The following ZNF385A variants were observed in gnomAD, a reference collection of about 807,000 sequenced individuals.
ZNF385A encodes the protein zinc finger protein 385A.
A neutral mutation model predicts 32.1 loss-of-function variants in ZNF385A; 14 were observed. That is an observed-to-expected ratio of 0.44 (90% confidence interval 0.29 to 0.68). ZNF385A has a LOEUF of 0.68. Among genes scored for constraint, ZNF385A ranks in the 30% least tolerant of loss-of-function variants. The probability of loss-of-function intolerance (pLI) is 0.14; values close to 1 mark genes in which losing one functional copy is unlikely to be tolerated. For missense variants in ZNF385A, 406 were observed against 478.4 expected (o/e 0.85, Z 1.41); for synonymous variants, 197 against 202.7 (o/e 0.97, Z 0.24).
In ZNF385A at chr12:54,371,008, T is replaced by A. The variant is rs568150809; in HGVS notation, c.693A>T (p.Glu231Asp). The A allele has an allele frequency of 1.2e-5, 20 of 1,614,164 alleles. No homozygotes were observed. The African/African-American group carries it at 2.7e-4, about 22-fold the overall frequency. The change falls in exon 5 of 7, where the codon GAA becomes GAT. Residue 231 changes from glutamate to aspartate, a missense_variant. Coordinates refer to ENST00000394313, the MANE Select transcript of ZNF385A (RefSeq NM_015481.3). ...YPRLGPPTPG[E>D]PEAPAQDRTF... The stretch of plus-strand genomic sequence containing the variant: ...TTCGGTCCTGGGCAGGAGCCTCTGG[T>A]TCCCCCGGGGTGGGAGGCCCCAGCC...
chr12:54,370,778 G>A lies in ZNF385A; in HGVS notation c.775-57C>T. The A allele has an allele frequency of 1.3e-6, 2 of 1,583,374 alleles. No homozygotes were observed. The highest frequency in any genetic ancestry group is 1.7e-6 in the Non-Finnish European group (2 of 1,167,018). ...CTCCCGGAAAGGGGCAACAGCGAGG[G>A]AGTATAATCAAGCTCCAAGCACCGG... On this transcript the variant is annotated intron_variant, in intron 5 of 6. Coordinates refer to ENST00000394313, the MANE Select transcript of ZNF385A (RefSeq NM_015481.3). This position sits in a 1 kb window ranked among gnomAD's most constrained non-coding sequence, Gnocchi z 5.5.
intron 1 of ZNF385A, among the ~76,000 whole-genome samples, chr12:54,381,925 G>A (rs1417978402): frequency 3.9e-5 from 6 of 152,068 alleles, no homozygotes; most frequent in African/African-American, 1.4e-4. Flanking sequence ...TTCTCACACT[G>A]TATAGGGTAA....
At chr12:54,378,263 G>A (rs1433734862) in intron 1 of ZNF385A, among the ~76,000 whole-genome samples, 2 of 152,202 alleles carry the variant, frequency 1.3e-5, no homozygotes, top group African/African-American at 2.4e-5. Flanking sequence ...CCAGGCCAAG[G>A]TCAGGAGGCC....
chr12:54,389,944 G>C (rs559867050), intron 1 of ZNF385A, among the ~76,000 whole-genome samples: 22 of 152,226 alleles, frequency 1.4e-4, no homozygotes, highest in Admixed American at 5.9e-4. Context: ...ACAGCAGAGA[G>C]AGACTGAGGA....
Position 54,370,955 on chromosome 12 carries a change from T to C in ZNF385A, c.746A>G (p.Lys249Arg). 3 of 1,614,190 alleles carry C rather than the reference T, an allele frequency of 1.9e-6. No homozygotes were observed. The highest frequency in any genetic ancestry group is 2.5e-6 in the Non-Finnish European group (3 of 1,180,026). ...RTFHCEICNVKVNSEVQLKQH... is the reference protein window; with the variant it reads ...RTFHCEICNVRVNSEVQLKQH... ...TTTCAGTTGGACCTCCGAGTTGACC[T>C]TGACATTGCAGATCTCACAGTGGAA... The change falls in exon 5 of 7, where the codon AAG becomes AGG. Residue 249 changes from lysine (K) to arginine (R), a missense_variant. Coordinates refer to ENST00000394313, the MANE Select transcript of ZNF385A (RefSeq NM_015481.3). This position sits in a 1 kb window ranked among gnomAD's most constrained non-coding sequence, Gnocchi z 5.5.
chr12:54,385,511 G>T (rs990741461), upstream of ZNF385A, among the ~76,000 whole-genome samples: 1 of 152,092 alleles, frequency 6.6e-6, no homozygotes, highest in Admixed American at 6.5e-5. Context: ...AGTTCTGGCC[G>T]CCCTTCACTG....
At chr12:54,372,003 G>T (rs1299371897) in intron 3 of ZNF385A, among the ~76,000 whole-genome samples, 1 of 152,178 alleles carries the variant, frequency 6.6e-6, no homozygotes, top group African/African-American at 2.4e-5. Flanking sequence ...CCCAGCCAGG[G>T]GGAGAGGCAT....
intron 1 of ZNF385A, among the ~76,000 whole-genome samples, chr12:54,377,161 C>G (rs1565620491): frequency 6.6e-6 from 1 of 152,218 alleles, no homozygotes; most frequent in Non-Finnish European, 1.5e-5. Flanking sequence ...CTCTCCTTTC[C>G]TCTCACCAGT....
At chr12:54,380,175 A>G (rs1276058871) in intron 1 of ZNF385A, among the ~76,000 whole-genome samples, 1 of 152,228 alleles carries the variant, frequency 6.6e-6, no homozygotes, top group Non-Finnish European at 1.5e-5. Flanking sequence ...TGGAGGTGCC[A>G]GTCCACTGGG....
At chr12:54,385,954 T>C (rs1210614584), upstream of ZNF385A, among the ~76,000 whole-genome samples, 3 of 151,904 alleles carry the variant, frequency 2.0e-5, no homozygotes, top group African/African-American at 7.3e-5. Context: ...CAGAAAGGTC[T>C]GGAGGGGTCT....
chr12:54,388,046 A>AGTGTGTGT (rs10665764), upstream of ZNF385A, among the ~76,000 whole-genome samples: 2,503 of 140,502 alleles, frequency 0.018, 35 homozygotes, highest in South Asian at 0.058. Flanking sequence ...AGTGTGTGTA[A>AGTGTGTGT]GTGTGTGTGT....
At chr12:54,382,262 G>C (rs892048363) in intron 1 of ZNF385A, among the ~76,000 whole-genome samples, 2 of 150,812 alleles carry the variant, frequency 1.3e-5, no homozygotes, top group Non-Finnish European at 2.9e-5. Flanking sequence ...TTTTAGTAGA[G>C]ACGGGGTTTC....
chr12:54,379,981 C>T lies in ZNF385A; in HGVS notation c.88-4027G>A, dbSNP rs2706255. ...ATCTCTAGGTCTCATCTTCTCCCAT[C>T]CCACCTAAGGCAGAGACATTAGTGA... On this transcript the variant is annotated intron_variant, in intron 1 of 6. Coordinates refer to ENST00000394313, the MANE Select transcript of ZNF385A (RefSeq NM_015481.3). 4.8e-3 allele frequency among the ~76,000 whole-genome samples: 727 copies of T among 152,296 alleles called. 6 individuals are homozygous for T. The highest frequency in any genetic ancestry group is 0.017 in the African/African-American group (687 of 41,542).
chr12:54,375,302 G>A (rs913609561), intron 2 of ZNF385A, among the ~76,000 whole-genome samples: 1 of 152,174 alleles, frequency 6.6e-6, no homozygotes, highest in Non-Finnish European at 1.5e-5. Context: ...CTTCTCCCCA[G>A]GGGAAAGCCC....
Position 54,384,553 on chromosome 12 carries a change from G to A in ZNF385A, c.-39C>T, listed in dbSNP as rs1169615617. 5 of 1,477,708 alleles carry A rather than the reference G, an allele frequency of 3.4e-6. No individual in the cohort carries two copies. Among genetic ancestry groups the A allele is most frequent in the Non-Finnish European group, 3.6e-6 (4 of 1,114,790 alleles). The allele number at this position is 1,477,708 out of a possible 1,614,324, so 91.5% of individuals were successfully genotyped here. A position where few individuals can be genotyped will look rare whatever the true frequency, so the allele number is the denominator to read the frequency against. ...CGTAGCAGAGGCAGGGGCCCTGCCCGGCTCAGGCTGCCTGAAGGGCAGAGA... is the reference window on the plus strand; with the variant it reads ...CGTAGCAGAGGCAGGGGCCCTGCCCAGCTCAGGCTGCCTGAAGGGCAGAGA... On this transcript the variant is annotated 5_prime_UTR_variant, in exon 1 of 7. Transcript: ENST00000394313.
chr12:54,375,935 G>C lies in ZNF385A; in HGVS notation c.107C>G (p.Ala36Gly). The change falls in exon 2 of 7, where the codon GCT (alanine) becomes GGT (glycine). Residue 36 changes from alanine (A) to glycine (G), a missense_variant. Physicochemically the swap from Ala to Gly is moderately conservative, Grantham distance 60. Transcript: ENST00000394313. ...NYSTMDPVQKAVLSHTFGGPL... is the reference protein window; with the variant it reads ...NYSTMDPVQKGVLSHTFGGPL... ...TCCCCCAAAAGTGTGGGAGAGCACA[G>C]CCTTCTGCACAGGGTCCATCTGTGG... The C allele has an allele frequency of 1.2e-6, 2 of 1,614,138 alleles. No homozygotes were observed. Among genetic ancestry groups the C allele is most frequent in the Non-Finnish European group, 8.5e-7 (1 of 1,180,002 alleles).
In ZNF385A at chr12:54,371,627, A is replaced by G; in HGVS notation, c.450T>C (p.Gly150=). 1 of 1,611,994 alleles carries G rather than the reference A, an allele frequency of 6.2e-7. No homozygotes were observed. Among genetic ancestry groups the G allele is most frequent in the Non-Finnish European group, 8.5e-7 (1 of 1,179,288 alleles). The change falls in exon 4 of 7, where the codon GGT becomes GGC. Residue 150 remains glycine, a synonymous_variant. Coordinates refer to ENST00000394313, the MANE Select transcript of ZNF385A (RefSeq NM_015481.3). The stretch of plus-strand genomic sequence containing the variant: ...CCCCTTCACCCTTGGTTACACCCTG[A>G]CCAGTCTCCGGAATGCTGGGAGGGG... The part of the protein sequence containing the change: ...SPSPPSIPET[G]QGVTKGEGGT...
intron 3 of ZNF385A, among the ~76,000 whole-genome samples, 156 bp from the exon 4 acceptor site, chr12:54,371,871 A>G (rs1954572597): frequency 6.6e-6 from 1 of 152,212 alleles, no homozygotes; most frequent in Non-Finnish European, 1.5e-5. Context: ...CCAGAGCCAG[A>G]TGTGGTCCAG....
chr12:54,370,760 A>G lies in ZNF385A; in HGVS notation c.775-39T>C. The G allele has an allele frequency of 6.3e-7, 1 of 1,577,482 alleles. No individual in the cohort carries two copies. The highest frequency in any genetic ancestry group is 8.6e-7 in the Non-Finnish European group (1 of 1,164,708). On this transcript the variant is annotated intron_variant, in intron 5 of 6. Coordinates refer to ENST00000394313, the MANE Select transcript of ZNF385A (RefSeq NM_015481.3). The surrounding 1 kb of genome is among the most constrained non-coding windows in gnomAD (Gnocchi z 5.5). ...TGGATAGGGGGCTGTGAGCTCCCGG[A>G]AAGGGGCAACAGCGAGGGAGTATAA... is the stretch of plus-strand genomic sequence containing the variant.
Sources: allele counts gnomAD v4.1 joint callset (sites outside exome capture counted in the v4.1 genomes callset), GRCh38; gene constraint gnomAD v4.1.1; non-coding constraint Gnocchi (gnomAD v3.1); transcripts MANE v1.5; gene names NCBI Gene and HGNC (gene_info 2026-07-23, HGNC 2026-07-21).